The following CHLSN variants were observed in gnomAD, a reference collection of about 807,000 sequenced individuals.
CHLSN encodes the protein cholesin.
At chr7:987,485 G>A in the CHLSN span, 3,137 of 1,551,486 alleles carry the variant, frequency 2.0e-3, 7 homozygotes, top group Non-Finnish European at 2.5e-3. Context: ...CACGTGCCCC[G>A]CTGCACCGCG....
the CHLSN span, among the ~76,000 whole-genome samples, chr7:1,070,192 C>A: frequency 1.5e-5 from 2 of 129,896 alleles, no homozygotes; most frequent in Non-Finnish European, 3.4e-5. Context: ...CTCCGCCCGG[C>A]AGCCACCCCA....
the CHLSN span, chr7:1,009,913 C>T: frequency 1.9e-5 from 28 of 1,483,746 alleles, no homozygotes; most frequent in South Asian, 2.2e-4. Flanking sequence ...TTGAGACGCA[C>T]GTCCGGGACA....
the CHLSN span, among the ~76,000 whole-genome samples, chr7:1,136,559 T>C: frequency 1.3e-5 from 1 of 77,144 alleles, no homozygotes; most frequent in East Asian, 4.0e-4. Context: ...TAAACATATA[T>C]AAACATATAA....
the CHLSN span, among the ~76,000 whole-genome samples, chr7:1,012,560 G>A: frequency 2.0e-5 from 3 of 152,264 alleles, no homozygotes; most frequent in Admixed American, 6.5e-5. Context: ...CTCCCGACCT[G>A]GCAGGAGTCA....
the CHLSN span, among the ~76,000 whole-genome samples, chr7:1,121,755 T>C: frequency 6.6e-6 from 1 of 152,240 alleles, no homozygotes; most frequent in Non-Finnish European, 1.5e-5. Flanking sequence ...CATGGTACCC[T>C]GGGCTTACTG....
the CHLSN span, among the ~76,000 whole-genome samples, chr7:1,135,844 T>G: frequency 7.3e-6 from 1 of 136,342 alleles, no homozygotes; most frequent in African/African-American, 2.8e-5. Flanking sequence ...TATATTTACA[T>G]AAATATGTAT....
the CHLSN span, chr7:1,092,211 G>T: frequency 6.2e-7 from 1 of 1,612,994 alleles, no homozygotes; most frequent in Non-Finnish European, 8.5e-7. Flanking sequence ...CCCTGGCCAG[G>T]GCCATGCGCT....
the CHLSN span, among the ~76,000 whole-genome samples, chr7:1,036,340 C>T: frequency 6.6e-6 from 1 of 151,494 alleles, no homozygotes; most frequent in Non-Finnish European, 1.5e-5. Flanking sequence ...CGTGCTGTGG[C>T]CGTGCAGGGC....
chr7:1,007,732 G>A, the CHLSN span, among the ~76,000 whole-genome samples: 10 of 152,266 alleles, frequency 6.6e-5, no homozygotes, highest in Non-Finnish European at 7.4e-5. Flanking sequence ...CAGTGCCTCC[G>A]CACAGGACTT....
the CHLSN span, among the ~76,000 whole-genome samples, chr7:1,099,158 TCGCG>T: frequency 4.5e-5 from 6 of 133,464 alleles, no homozygotes; most frequent in Admixed American, 3.0e-4. Flanking sequence ...AGCCTCGCTG[TCGCG>T]TTCCTGCAGC....
At chr7:1,069,070 T>C in the CHLSN span, among the ~76,000 whole-genome samples, 33 of 152,290 alleles carry the variant, frequency 2.2e-4, no homozygotes, top group Admixed American at 4.6e-4. Flanking sequence ...CGGTGGCTCA[T>C]GCCTGTAATC....
At chr7:1,068,331 A>T in the CHLSN span, among the ~76,000 whole-genome samples, 26 of 152,026 alleles carry the variant, frequency 1.7e-4, no homozygotes, top group East Asian at 3.9e-4. Context: ...CACCCCTCAG[A>T]CCTAGAGCCC....
At chr7:1,010,049 T>G in the CHLSN span, 1 of 1,611,920 alleles carries the variant, frequency 6.2e-7, no homozygotes, top group African/African-American at 1.3e-5. Flanking sequence ...CTCCTCTTTC[T>G]TCCGTTCCTT....
At chr7:1,024,752 C>A in the CHLSN span, 1 of 152,170 alleles carries the variant, frequency 6.6e-6, no homozygotes. Context: ...AGTGGGGGAG[C>A]ACTTTTTATA....
At chr7:985,449 C>T in the CHLSN span, 1 of 1,106,706 alleles carries the variant, frequency 9.0e-7, no homozygotes, top group South Asian at 1.6e-5. Context: ...CAAAAGGAAT[C>T]AGATGCAAGG....
chr7:996,213 CACA>C, the CHLSN span, among the ~76,000 whole-genome samples: 8 of 152,334 alleles, frequency 5.3e-5, no homozygotes, highest in South Asian at 8.3e-4. Context: ...AGGCCCTCCC[CACA>C]ACAACAGCCC....
chr7:1,016,946 ACGC>A, the CHLSN span, among the ~76,000 whole-genome samples: 2 of 143,100 alleles, frequency 1.4e-5, no homozygotes, highest in African/African-American at 2.7e-5. Flanking sequence ...ACGCCAGCAC[ACGC>A]CAGCGCACAG....
the CHLSN span, chr7:1,092,238 C>A: frequency 1.2e-6 from 2 of 1,612,560 alleles, no homozygotes; most frequent in East Asian, 4.5e-5. Flanking sequence ...TGTTCCGCAC[C>A]AAGCACCACG....
the CHLSN span, chr7:1,059,254 G>A: frequency 6.0e-6 from 1 of 166,654 alleles, no homozygotes; most frequent in Admixed American, 6.5e-5. Context: ...ATAAACAAAA[G>A]AAAGGTGTGT....
Sources: gnomAD v4.1 joint callset for allele counts (sites outside exome capture counted in the v4.1 genomes callset) on GRCh38, gnomAD v4.1.1 for gene constraint, MANE v1.5 for transcripts, NCBI Gene and HGNC (gene_info 2026-07-23, HGNC 2026-07-21) for gene names.